Variants in LTBP1 observed in about 807,000 individuals in gnomAD.
LTBP1 encodes latent-transforming growth factor beta-binding protein 1.
In LTBP1, 129 loss-of-function variants were observed where a neutral mutation model predicts 207.6. That is an observed-to-expected ratio of 0.62 (90% CI 0.54 to 0.72). LTBP1 has a LOEUF of 0.72. Among genes scored for constraint, LTBP1 ranks in the 30% least tolerant of loss-of-function variants. The probability of loss-of-function intolerance (pLI) is 0.00; values close to 1 mark genes in which losing one functional copy is unlikely to be tolerated. For missense variants in LTBP1, 2,281 were observed against 2,217.2 expected, an observed-to-expected ratio of 1.03 and a Z score of -0.58; for synonymous variants, 963 against 833.7, an observed-to-expected ratio of 1.16 and a Z score of -2.67.
rs1299063155 is a variant in LTBP1, at chr2:33,398,489, T to A, written c.5110T>A (p.Tyr1704Asn). The A allele has an allele frequency of 6.2e-7, 1 of 1,614,122 alleles. No homozygotes were observed. The highest frequency in any genetic ancestry group is 2.2e-5 in the East Asian group (1 of 44,904). ...PGYVPSDKPN[Y>N]CTPLNTALNL... ...CTACGTGCCTTCTGACAAGCCAAAC[T>A]ACTGCACTCCGTTGAATACCGCCTT... is the stretch of plus-strand genomic sequence containing the variant. Residue 1704 changes from tyrosine (Y) to asparagine (N), a missense_variant, in exon 34 of 34, where the codon TAC becomes AAC. Coordinates refer to ENST00000404816, the MANE Select transcript of LTBP1 (RefSeq NM_206943.4).
At chr2:33,319,347 G>A (rs551447884) in intron 24 of LTBP1, among the ~76,000 whole-genome samples, 29 of 151,534 alleles carry the variant, frequency 1.9e-4, no homozygotes, top group African/African-American at 6.8e-4. Context: ...GTAGTGAGCC[G>A]AGATTGCGCC....
intron 25 of LTBP1, among the ~76,000 whole-genome samples, chr2:33,345,062 T>G (rs1350314255): frequency 6.6e-6 from 1 of 152,230 alleles, no homozygotes; most frequent in African/African-American, 2.4e-5. Context: ...TTTGTATTTA[T>G]TATTTCAAAA....
chr2:33,208,087 A>G (rs879455653), intron 7 of LTBP1, among the ~76,000 whole-genome samples: 8 of 152,278 alleles, frequency 5.3e-5, no homozygotes, highest in Admixed American at 2.0e-4. Flanking sequence ...TAGGATTAAC[A>G]TTCCTCATCC....
chr2:33,320,065 G>C (rs1001325518), intron 24 of LTBP1, among the ~76,000 whole-genome samples: 2 of 152,160 alleles, frequency 1.3e-5, no homozygotes, highest in African/African-American at 4.8e-5. Context: ...AGATAACTAA[G>C]ATGTTAGAAA....
In LTBP1 at chr2:33,214,048, C is replaced by T. The variant is rs538209006; in HGVS notation, c.1702-3504C>T. Among the ~76,000 whole-genome samples the T allele has an allele frequency of 4.6e-5, 7 of 152,336 alleles. 1 individual carries two copies. The South Asian group carries it at 1.4e-3, about 32-fold the overall frequency. On this transcript the variant is annotated intron_variant, in intron 7 of 33. Transcript: ENST00000404816. ...AAAATTGGATTTTAACTGCTACTAA[C>T]ATTTTAAGCATATAAAATCAGCAAG...
At chr2:33,190,778 G>T (rs1454411680) in intron 7 of LTBP1, among the ~76,000 whole-genome samples, 1 of 151,778 alleles carries the variant, frequency 6.6e-6, no homozygotes, top group African/African-American at 2.4e-5. Context: ...CTTTCAGTAA[G>T]ATAGGGGACA....
chr2:33,337,248 T>C (rs1050401029), intron 24 of LTBP1, among the ~76,000 whole-genome samples: 5 of 152,182 alleles, frequency 3.3e-5, no homozygotes, highest in African/African-American at 9.7e-5. Flanking sequence ...TAAAAACTTT[T>C]GGTTCATTGA....
chr2:33,335,757 A>G (rs2094547493), intron 24 of LTBP1, among the ~76,000 whole-genome samples: 1 of 152,048 alleles, frequency 6.6e-6, no homozygotes, highest in Admixed American at 6.6e-5. Flanking sequence ...GTTGGCTGAG[A>G]TTTACTCTCT....
chr2:33,161,794 G>A (rs954992328), intron 5 of LTBP1, among the ~76,000 whole-genome samples: 1 of 152,164 alleles, frequency 6.6e-6, no homozygotes, highest in African/African-American at 2.4e-5. Flanking sequence ...CTGCATTGTA[G>A]ACTATAAACA....
chr2:33,310,136 CG>C (rs1179797728), intron 23 of LTBP1, among the ~76,000 whole-genome samples: 2 of 151,878 alleles, frequency 1.3e-5, no homozygotes, highest in Non-Finnish European at 2.9e-5. Context: ...TTACTGGAGA[CG>C]GGGGTTTCAC....
At chr2:33,225,560 TACTC>T (rs1263912504) in intron 9 of LTBP1, among the ~76,000 whole-genome samples, 2 of 152,166 alleles carry the variant, frequency 1.3e-5, no homozygotes, top group African/African-American at 2.4e-5. Flanking sequence ...TTGTGAAACT[TACTC>T]ACTACCACAA....
At chr2:33,096,942 A>G (rs898541090) in intron 3 of LTBP1, among the ~76,000 whole-genome samples, 7 of 152,196 alleles carry the variant, frequency 4.6e-5, no homozygotes, top group Non-Finnish European at 7.3e-5. Flanking sequence ...GTGGTTTTCT[A>G]TCTGAGAAGT....
intron 2 of LTBP1, among the ~76,000 whole-genome samples, chr2:32,968,155 A>G (rs865830517): frequency 1.3e-5 from 2 of 152,112 alleles, no homozygotes; most frequent in South Asian, 4.1e-4. Context: ...TTTGGTAGAA[A>G]TAGAGTTTCA....
At chr2:33,011,632 T>G (rs1687686202) in intron 2 of LTBP1, among the ~76,000 whole-genome samples, 1 of 152,004 alleles carries the variant, frequency 6.6e-6, no homozygotes, top group Non-Finnish European at 1.5e-5. Context: ...TGTGAAAGAA[T>G]AAATCTCTGT....
intron 5 of LTBP1, among the ~76,000 whole-genome samples, chr2:33,139,230 G>A (rs2082433346): frequency 6.6e-6 from 1 of 151,962 alleles, no homozygotes; most frequent in South Asian, 2.1e-4. Context: ...ATCCATAATT[G>A]GCAAATATGA....
In LTBP1 at chr2:33,308,992, C is replaced by T. The variant is rs2094140823; in HGVS notation, c.3482-442C>T. Among the ~76,000 whole-genome samples, 5 of 151,876 alleles carry T rather than the reference C, an allele frequency of 3.3e-5. No homozygotes were observed. The South Asian group carries it at 1.0e-3, about 32-fold the overall frequency. The stretch of plus-strand genomic sequence containing the variant: ...TAATTTCATTTGATGTTTAAAAGTT[C>T]CATTTCTTGGCCAGGTGTGGTGGCT... On this transcript the variant is annotated intron_variant, in intron 22 of 33. Coordinates refer to ENST00000404816, the MANE Select transcript of LTBP1 (RefSeq NM_206943.4).
At chr2:33,076,162 G>GA (rs1189765281) in intron 3 of LTBP1, among the ~76,000 whole-genome samples, 1 of 152,164 alleles carries the variant, frequency 6.6e-6, no homozygotes, top group African/African-American at 2.4e-5. Context: ...GCTCACCAGG[G>GA]AAAAATGTGA....
chr2:33,115,590 T>C (rs991367672), intron 4 of LTBP1, among the ~76,000 whole-genome samples: 6 of 152,344 alleles, frequency 3.9e-5, no homozygotes, highest in Non-Finnish European at 8.8e-5. Context: ...CTCCAAGGAA[T>C]TGAGCTCATA....
chr2:32,964,260 A>T (rs147272063), intron 2 of LTBP1, among the ~76,000 whole-genome samples: 1 of 152,312 alleles, frequency 6.6e-6, no homozygotes, highest in East Asian at 1.9e-4. Context: ...TTAGGAAAGG[A>T]ATTGCCTATT....
Sources: allele counts gnomAD v4.1 joint callset (sites outside exome capture counted in the v4.1 genomes callset), GRCh38; gene constraint gnomAD v4.1.1; transcripts MANE v1.5; gene names NCBI Gene and HGNC (gene_info 2026-07-23, HGNC 2026-07-21).